The following ULK4 variants were observed in gnomAD, a reference collection of about 807,000 sequenced individuals.
ULK4 encodes inactive serine/threonine-protein kinase ULK4.
Under a neutral mutation model 160.6 loss-of-function variants are expected in ULK4, and 133 were observed. That is an observed-to-expected ratio of 0.83 (90% confidence interval 0.72 to 0.96). ULK4 has a LOEUF of 0.96. ULK4 is among the 40% of genes least tolerant of loss of function. The probability of loss-of-function intolerance (pLI) is 0.00; values close to 1 mark genes in which losing one functional copy is unlikely to be tolerated. For synonymous variants in ULK4, 534 were observed against 539.8 expected (o/e 0.99, Z 0.15); for missense variants, 1,580 against 1,499.5 (o/e 1.05, Z -0.89).
In ULK4 at chr3:41,938,211, G is replaced by A. The variant is rs753859652; in HGVS notation, c.139-14C>T. 2.5e-6 allele frequency: 4 copies of A among 1,597,222 alleles called. No individual in the cohort carries two copies. The highest frequency in any genetic ancestry group is 1.3e-5 in the African/African-American group (1 of 74,326). On this transcript the variant is annotated splice_polypyrimidine_tract_variant and intron_variant, in intron 2 of 36. Transcript: ENST00000301831. The stretch of plus-strand genomic sequence containing the variant: ...GGTGAGACGGACCTATAAAAACACA[G>A]AGCAATCACTCTAAAAAGAAATTCC...
At chr3:41,569,567 G>A (rs181377965) in intron 31 of ULK4, among the ~76,000 whole-genome samples, 1 of 152,210 alleles carries the variant, frequency 6.6e-6, no homozygotes, top group East Asian at 1.9e-4. Context: ...ATTTGGTTAT[G>A]TCTATTTTCC....
intron 22 of ULK4, among the ~76,000 whole-genome samples, chr3:41,743,099 A>T (rs973590271): frequency 2.0e-5 from 3 of 151,904 alleles, no homozygotes; most frequent in African/African-American, 7.3e-5. Flanking sequence ...AGCAGAAGAC[A>T]TAAATCTATA....
chr3:41,954,409 GAAAC>G (rs1378722882), intron 2 of ULK4, among the ~76,000 whole-genome samples: 1 of 151,184 alleles, frequency 6.6e-6, no homozygotes, highest in East Asian at 1.9e-4. Context: ...CCAAAAAAAA[GAAAC>G]AAAAAAGAAA....
chr3:41,687,729 A>G (rs2036146838), intron 27 of ULK4: 1 of 152,206 alleles, frequency 6.6e-6, no homozygotes, highest in Non-Finnish European at 1.5e-5. Context: ...TTTCTAACAA[A>G]AGGGTCATCA....
intron 34 of ULK4, among the ~76,000 whole-genome samples, chr3:41,447,339 C>T (rs1374226026): frequency 6.6e-6 from 1 of 152,044 alleles, no homozygotes; most frequent in Non-Finnish European, 1.5e-5. Context: ...GAGTGTGGAT[C>T]ATCATGGGTG....
intron 35 of ULK4, among the ~76,000 whole-genome samples, chr3:41,264,264 GGT>G: frequency 6.6e-6 from 1 of 152,248 alleles, no homozygotes; most frequent in Non-Finnish European, 1.5e-5. Context: ...CTTTGGGAAT[GGT>G]CCAGGTGAGA....
At chr3:41,347,170 A>T (rs1274622674) in intron 35 of ULK4, among the ~76,000 whole-genome samples, 1 of 152,252 alleles carries the variant, frequency 6.6e-6, no homozygotes, top group Non-Finnish European at 1.5e-5. Flanking sequence ...GCTCTAGCTG[A>T]GTTCAAAGGC....
intron 12 of ULK4, 71 bp from the exon 13 acceptor site, chr3:41,900,900 G>T: frequency 9.1e-7 from 1 of 1,097,372 alleles, no homozygotes; most frequent in South Asian, 1.3e-5. Context: ...GAACCAGTAA[G>T]ATGCTGAGGA....
chr3:41,688,734 T>C (rs752244552), intron 27 of ULK4, among the ~76,000 whole-genome samples: 13 of 152,216 alleles, frequency 8.5e-5, no homozygotes, highest in Admixed American at 8.5e-4. Context: ...CCAAGATTTC[T>C]GGGAATTTGC....
chr3:41,942,133 A>C (rs1335729400), intron 2 of ULK4, among the ~76,000 whole-genome samples: 2 of 152,226 alleles, frequency 1.3e-5, no homozygotes, highest in African/African-American at 2.4e-5. Context: ...GAGAACTCGA[A>C]AAGTGGCTTG....
At chr3:41,285,870 G>A (rs1271343464) in intron 35 of ULK4, among the ~76,000 whole-genome samples, 1 of 152,218 alleles carries the variant, frequency 6.6e-6, no homozygotes, top group Non-Finnish European at 1.5e-5. Context: ...TTTGTGTGAA[G>A]CGGGGAGGAG....
At chr3:41,431,689 T>C (rs2082913523) in intron 34 of ULK4, among the ~76,000 whole-genome samples, 1 of 151,598 alleles carries the variant, frequency 6.6e-6, no homozygotes, top group Admixed American at 6.6e-5. Context: ...ATGCCCTATA[T>C]TTCCTGCCAA....
chr3:41,721,287 G>GTTTTTT (rs1559507507), intron 22 of ULK4, among the ~76,000 whole-genome samples: 11 of 68,820 alleles, frequency 1.6e-4, no homozygotes, highest in African/African-American at 3.4e-4. Flanking sequence ...TTTTTTTTGG[G>GTTTTTT]TTTTGAACCA....
chr3:41,441,732 T>C (rs1019732006), intron 34 of ULK4, among the ~76,000 whole-genome samples: 2 of 152,156 alleles, frequency 1.3e-5, no homozygotes, highest in African/African-American at 4.8e-5. Context: ...TGCTCAAGGC[T>C]ACCATTCCCT....
At chr3:41,719,369 C>T (rs954753166) in intron 22 of ULK4, among the ~76,000 whole-genome samples, 43 of 152,258 alleles carry the variant, frequency 2.8e-4, no homozygotes, top group African/African-American at 8.9e-4. Flanking sequence ...AGCTCAAATA[C>T]GGTATCTAAG....
intron 19 of ULK4, 39 bp from the exon 20 acceptor site, chr3:41,800,332 A>C: frequency 3.2e-6 from 5 of 1,549,944 alleles, no homozygotes; most frequent in Non-Finnish European, 4.4e-6. Flanking sequence ...TAGTGTGAGA[A>C]ATAAATACAT....
chr3:41,399,554 A>G (rs956097420), intron 34 of ULK4, among the ~76,000 whole-genome samples: 1 of 152,006 alleles, frequency 6.6e-6, no homozygotes, highest in Admixed American at 6.6e-5. Context: ...TCAGTGACAG[A>G]TATCTAAGAA....
chr3:41,482,637 T>C (rs1401167378), intron 32 of ULK4, among the ~76,000 whole-genome samples: 1 of 152,236 alleles, frequency 6.6e-6, no homozygotes, highest in Non-Finnish European at 1.5e-5. Context: ...TTTAAATCTT[T>C]TAGATTAGCA....
At chr3:41,961,895 G>A (rs1269266069) in intron 1 of ULK4, 121 bp downstream of exon 1, 1 of 152,718 alleles carries the variant, frequency 6.5e-6, no homozygotes, top group African/African-American at 2.4e-5. Context: ...ACTGGCAGAA[G>A]GAGAGAGGGC....
Sources: allele counts gnomAD v4.1 joint callset (sites outside exome capture counted in the v4.1 genomes callset), GRCh38; gene constraint gnomAD v4.1.1; transcripts MANE v1.5; gene names NCBI Gene and HGNC (gene_info 2026-07-23, HGNC 2026-07-21).